PCDHGA11: variants seen among roughly 807,000 people sequenced by gnomAD.
PCDHGA11 encodes the protein protocadherin gamma subfamily A, 11, also known as protocadherin gamma-A11.
Under a neutral mutation model 60.4 loss-of-function variants are expected in PCDHGA11, and 39 were observed. The observed-to-expected ratio is 0.65, with a 90% confidence interval of 0.50 to 0.84. The LOEUF is 0.84. Ranked by LOEUF, PCDHGA11 falls within the 40% of genes least tolerant of loss-of-function variation. PCDHGA11 has a pLI of 0.00. For synonymous variants in PCDHGA11, 533 were observed against 510.3 expected (o/e 1.04, Z -0.60); for missense variants, 1,165 against 1,197.7 (o/e 0.97, Z 0.40).
In PCDHGA11 at chr5:141,486,581, C is replaced by T; in HGVS notation, c.2434-8226C>T. 1 of 1,613,764 alleles carries T rather than the reference C, an allele frequency of 6.2e-7. No individual in the cohort carries two copies. The highest frequency in any genetic ancestry group is 1.1e-5 in the South Asian group (1 of 91,082). On this transcript the variant is annotated intron_variant, in intron 1 of 3. Coordinates refer to ENST00000398587, the MANE Select transcript of PCDHGA11 (RefSeq NM_018914.3). This position sits in a 1 kb window ranked among gnomAD's most constrained non-coding sequence, Gnocchi z 5.0. ...GGTGTTTGTTCCTGAGAACAATCGC[C>T]CAGGGGACCTGCTTTGCTCCCTTGC... is the stretch of plus-strand genomic sequence containing the variant.
chr5:141,486,421 G>A lies in PCDHGA11; in HGVS notation c.2434-8386G>A, dbSNP rs772631503. ...TGACTGCTGGACCCTTGGATCGAGA[G>A]GCCAAATCTAGCTATGACATCATGG... On this transcript the variant is annotated intron_variant, in intron 1 of 3. Coordinates refer to ENST00000398587, the MANE Select transcript of PCDHGA11 (RefSeq NM_018914.3). This position sits in a 1 kb window ranked among gnomAD's most constrained non-coding sequence, Gnocchi z 5.0. 2.5e-6 allele frequency: 4 copies of A among 1,614,152 alleles called. No homozygotes were observed. In the East Asian group the frequency reaches 6.7e-5, roughly 27 times the overall value.
At chr5:141,438,583 CATACATACATATATATATATATATATAT>C (rs1227221577) in intron 1 of PCDHGA11, among the ~76,000 whole-genome samples, 1 of 57,610 alleles carries the variant, frequency 1.7e-5, no homozygotes, top group African/African-American at 9.0e-5. Flanking sequence ...TACATACATA[CATACATACATATATATATATATATATAT>C]ATATATATAT....
intron 3 of PCDHGA11, among the ~76,000 whole-genome samples, chr5:141,509,044 C>G (rs1385744160): frequency 1.3e-5 from 2 of 152,130 alleles, no homozygotes. Flanking sequence ...CCCTCTCCCC[C>G]GCCCCCAGAA....
At chr5:141,498,194 T>C (rs1014641829) in intron 2 of PCDHGA11, among the ~76,000 whole-genome samples, 16 of 152,254 alleles carry the variant, frequency 1.1e-4, no homozygotes, top group African/African-American at 3.6e-4. Context: ...ATTAACCAGC[T>C]AAAGAAAAGA....
chr5:141,452,848 G>A (rs1425590240), intron 1 of PCDHGA11, among the ~76,000 whole-genome samples: 9 of 152,128 alleles, frequency 5.9e-5, no homozygotes, highest in Non-Finnish European at 1.0e-4. Flanking sequence ...CCCACACTCT[G>A]GGGAGATGAT....
chr5:141,500,148 G>T (rs936567158), intron 2 of PCDHGA11, among the ~76,000 whole-genome samples: 6 of 150,990 alleles, frequency 4.0e-5, no homozygotes, highest in African/African-American at 1.5e-4. Flanking sequence ...ACTTTTCTTT[G>T]TGTAATCAAA....
chr5:141,511,276 T>C lies in PCDHGA11; in HGVS notation c.*103T>C. On this transcript the variant is annotated 3_prime_UTR_variant, in exon 4 of 4. Coordinates refer to ENST00000398587, the MANE Select transcript of PCDHGA11 (RefSeq NM_018914.3). ...AGAGTTTCAGGGCTAACCCCCAGAA[T>C]ACTGGTAGGGGCCAAGGCCATGCTC... 6.5e-7 allele frequency: 1 copy of C among 1,538,084 alleles called. No homozygotes were observed. Among genetic ancestry groups the C allele is most frequent in the Non-Finnish European group, 8.8e-7 (1 of 1,140,720 alleles).
In PCDHGA11 at chr5:141,486,036, G is replaced by A. The variant is rs773301300; in HGVS notation, c.2434-8771G>A. ...TATTTCAGTGGTCATACCCCTGATC[G>A]TGTAAGAAACCTCTTTAGCCTGCAC... On this transcript the variant is annotated intron_variant, in intron 1 of 3. Transcript: ENST00000398587. This position sits in a 1 kb window ranked among gnomAD's most constrained non-coding sequence, Gnocchi z 5.0. 2.5e-6 allele frequency: 4 copies of A among 1,614,048 alleles called. No individual in the cohort carries two copies. Among genetic ancestry groups the A allele is most frequent in the Admixed American group, 1.7e-5 (1 of 60,004 alleles).
rs768635851 is a variant in PCDHGA11 at position 141,489,334 on chromosome 5, C to G, written c.2434-5473C>G. 2 of 1,606,614 alleles carry G rather than the reference C, an allele frequency of 1.2e-6. No individual in the cohort carries two copies. Among genetic ancestry groups the G allele is most frequent in the Non-Finnish European group, 1.7e-6 (2 of 1,175,584 alleles). On this transcript the variant is annotated intron_variant, in intron 1 of 3. Coordinates refer to ENST00000398587, the MANE Select transcript of PCDHGA11 (RefSeq NM_018914.3). The surrounding 1 kb of genome is among the most constrained non-coding windows in gnomAD (Gnocchi z 4.5). Reference sequence around the variant, plus strand: ...CTGGGGCTGGGTGTCTGGGCAGCTTCGTTACTCAGTGGTGGAGGAGTCTGA... The same window carrying G: ...CTGGGGCTGGGTGTCTGGGCAGCTTGGTTACTCAGTGGTGGAGGAGTCTGA...
At chr5:141,463,610 G>A (rs189991450) in intron 1 of PCDHGA11, among the ~76,000 whole-genome samples, 2 of 151,672 alleles carry the variant, frequency 1.3e-5, no homozygotes, top group Admixed American at 6.6e-5. Flanking sequence ...CACCATGCCC[G>A]GCTAATTTTT....
chr5:141,479,625 T>C (rs2099501262), intron 1 of PCDHGA11: 1 of 152,228 alleles, frequency 6.6e-6, no homozygotes, highest in Non-Finnish European at 1.5e-5. Flanking sequence ...ACCATGTCTC[T>C]TTAACAATAA....
intron 1 of PCDHGA11, among the ~76,000 whole-genome samples, chr5:141,472,026 G>C (rs2099269805): frequency 6.6e-6 from 1 of 152,108 alleles, no homozygotes; most frequent in Non-Finnish European, 1.5e-5. Context: ...ATTGTATGTA[G>C]AAAGCTGTGA....
intron 1 of PCDHGA11, among the ~76,000 whole-genome samples, chr5:141,439,422 A>C (rs1476209707): frequency 6.6e-6 from 1 of 152,188 alleles, no homozygotes; most frequent in Non-Finnish European, 1.5e-5. Context: ...TGAGGTTATA[A>C]ATTCCCAGGA....
At chr5:141,467,018 CTTTGT>C (rs1209768587) in intron 1 of PCDHGA11, among the ~76,000 whole-genome samples, 4 of 149,992 alleles carry the variant, frequency 2.7e-5, no homozygotes, top group African/African-American at 7.3e-5. Context: ...ATTTTTTTCC[CTTTGT>C]TTTTGTTTTT....
At chr5:141,478,788 T>A (rs576491824) in intron 1 of PCDHGA11, 147 of 1,473,736 alleles carry the variant, frequency 1.0e-4, no homozygotes, top group Non-Finnish European at 1.3e-4. Context: ...CTAATTCACA[T>A]CCTCAGCACT....
chr5:141,509,477 G>A (rs753058277), intron 3 of PCDHGA11, among the ~76,000 whole-genome samples: 7 of 152,166 alleles, frequency 4.6e-5, no homozygotes, highest in African/African-American at 7.2e-5. Context: ...CAGGTGAGGG[G>A]TAGAGGTGAT....
chr5:141,481,877 G>A (rs535267598), intron 1 of PCDHGA11, among the ~76,000 whole-genome samples: 4 of 144,402 alleles, frequency 2.8e-5, no homozygotes, highest in African/African-American at 7.8e-5. Context: ...TCGCGCCACT[G>A]CACTCCAGCC....
chr5:141,464,310 A>T lies in PCDHGA11; in HGVS notation c.2434-30497A>T, dbSNP rs1327900308. ...AAAAAACTCCATTGTATGTGCACAT[A>T]TCATTATCTGTTCAACCCATCTATG... On this transcript the variant is annotated intron_variant, in intron 1 of 3. Coordinates refer to ENST00000398587, the MANE Select transcript of PCDHGA11 (RefSeq NM_018914.3). 2.0e-5 allele frequency among the ~76,000 whole-genome samples: 3 copies of T among 151,494 alleles called. No homozygotes were observed. The East Asian group carries it at 5.8e-4, about 29-fold the overall frequency.
intron 1 of PCDHGA11, among the ~76,000 whole-genome samples, chr5:141,473,191 G>A (rs28479996): frequency 0.019 from 2,957 of 152,242 alleles, 87 homozygotes; most frequent in African/African-American, 0.062. Context: ...AGGAGTAAAT[G>A]TATCTTCTAA....
Sources: gnomAD v4.1 joint callset for allele counts (sites outside exome capture counted in the v4.1 genomes callset) on GRCh38, gnomAD v4.1.1 for gene constraint, Gnocchi (gnomAD v3.1) non-coding constraint, MANE v1.5 for transcripts, NCBI Gene and HGNC (gene_info 2026-07-23, HGNC 2026-07-21) for gene names.